Variants in NUP93 observed in about 807,000 individuals in gnomAD.
NUP93 encodes the protein nuclear pore complex protein Nup93.
Under a neutral mutation model 107.8 loss-of-function variants are expected in NUP93, and 55 were observed. That is an observed-to-expected ratio of 0.51 (90% CI 0.41 to 0.64). NUP93 has a LOEUF of 0.64. NUP93 is among the 30% of genes least tolerant of loss of function. The probability of loss-of-function intolerance (pLI) is 0.00; values close to 1 mark genes in which losing one functional copy is unlikely to be tolerated. For missense variants in NUP93, 937 were observed against 1,044.7 expected, an observed-to-expected ratio of 0.90 and a Z score of 1.42; for synonymous variants, 390 against 397.5, an observed-to-expected ratio of 0.98 and a Z score of 0.22.
intron 3 of NUP93, among the ~76,000 whole-genome samples, chr16:56,771,396 C>A (rs1962319725): frequency 6.6e-6 from 1 of 152,058 alleles, no homozygotes; most frequent in Admixed American, 6.6e-5. Context: ...TGTAGTCTTA[C>A]TTTTCTTATG....
intron 6 of NUP93, among the ~76,000 whole-genome samples, chr16:56,820,363 G>A (rs896703744): frequency 6.6e-6 from 1 of 152,234 alleles, no homozygotes; most frequent in East Asian, 1.9e-4. Flanking sequence ...AGGCTGGAGT[G>A]CAGTGGTGCG....
At chr16:56,811,334 G>A (rs1963311510) in intron 5 of NUP93, among the ~76,000 whole-genome samples, 1 of 152,006 alleles carries the variant, frequency 6.6e-6, no homozygotes, top group Non-Finnish European at 1.5e-5. Flanking sequence ...TGTTTTTATA[G>A]GCCTTTTCCA....
At chr16:56,745,166 C>T (rs1037665782) in intron 1 of NUP93, among the ~76,000 whole-genome samples, 31 of 152,108 alleles carry the variant, frequency 2.0e-4, no homozygotes, top group African/African-American at 6.8e-4. Flanking sequence ...ACAGGTGAGC[C>T]GAAACAGATA....
chr16:56,821,558 G>A lies in NUP93; in HGVS notation c.619G>A (p.Asp207Asn), dbSNP rs1183926625. The change falls in exon 7 of 22, where the codon GAC becomes AAC. Residue 207 changes from aspartate (D) to asparagine (N), a missense_variant. Asp to Asn is a conservative substitution (Grantham distance 23, BLOSUM62 1). Transcript: ENST00000308159. ...VNGHLQPNLV[D>N]LCASVAELDD... ...TGGACACCTGCAGCCTAACCTGGTG[G>A]ACCTTTGTGCTTCCGTCGCAGAGCT... 6.2e-7 allele frequency: 1 copy of A among 1,613,340 alleles called. No homozygotes were observed. Among genetic ancestry groups the A allele is most frequent in the African/African-American group, 1.3e-5 (1 of 74,846 alleles).
At chr16:56,778,784 GCTC>G (rs1338321345) in intron 3 of NUP93, among the ~76,000 whole-genome samples, 2 of 152,222 alleles carry the variant, frequency 1.3e-5, no homozygotes, top group African/African-American at 4.8e-5. Flanking sequence ...CTGTGGAAAT[GCTC>G]CTGAAGCATT....
intron 3 of NUP93, among the ~76,000 whole-genome samples, chr16:56,787,666 G>A (rs1321929945): frequency 6.6e-6 from 1 of 152,154 alleles, no homozygotes; most frequent in African/African-American, 2.4e-5. Context: ...TTCTTGTAGG[G>A]TGGGTTTCGG....
At position 56,823,726 on chromosome 16, in the gene NUP93, C is replaced by T. The variant is rs752928627; in HGVS notation, c.674C>T (p.Thr225Ile). The T allele has an allele frequency of 6.2e-7, 1 of 1,614,094 alleles. No individual in the cohort carries two copies. Among genetic ancestry groups the T allele is most frequent in the Non-Finnish European group, 8.5e-7 (1 of 1,179,978 alleles). ...LDDKSISDMW[T>I]MVKQMTDVLL... is the part of the protein sequence containing the mutation. Reference sequence around the variant, plus strand: ...GTGCAGAGCATTTCCGACATGTGGACCATGGTAAAACAAATGACAGACGTG... The same window carrying T: ...GTGCAGAGCATTTCCGACATGTGGATCATGGTAAAACAAATGACAGACGTG... The change falls in exon 8 of 22, where the codon ACC becomes ATC. Residue 225 changes from threonine (T) to isoleucine (I), a missense_variant. Coordinates refer to ENST00000308159, the MANE Select transcript of NUP93 (RefSeq NM_014669.5).
rs551878889 is a variant in NUP93, at chr16:56,833,250, C to G, written c.1381C>G (p.Leu461Val). 1.4e-5 allele frequency: 23 copies of G among 1,605,472 alleles called. No homozygotes were observed. The highest frequency in any genetic ancestry group is 1.7e-5 in the Non-Finnish European group (20 of 1,177,232). ...SHFTVNQQPF[L>V]YFQVLFLTAQ... ...CTTTACGGTGAACCAGCAACCCTTC[C>G]TCTACTTCCAAGTCCTGTTCCTGAC... The change falls in exon 13 of 22, where the codon CTC (leucine) becomes GTC (valine). Residue 461 changes from leucine (L) to valine (V), a missense_variant. Leu to Val is a conservative substitution (Grantham distance 32). Transcript: ENST00000308159.
At chr16:56,739,532 C>T (rs1183066350) in intron 1 of NUP93, among the ~76,000 whole-genome samples, 58 of 118,938 alleles carry the variant, frequency 4.9e-4, no homozygotes, top group African/African-American at 1.6e-3. Context: ...GGCTGACCCC[C>T]CCCCACCTCC....
chr16:56,777,543 C>T (rs1962437078), intron 3 of NUP93, among the ~76,000 whole-genome samples: 1 of 152,180 alleles, frequency 6.6e-6, no homozygotes, highest in East Asian at 1.9e-4. Context: ...GTGTTCCTCA[C>T]TTAAAATAAT....
intron 3 of NUP93, among the ~76,000 whole-genome samples, chr16:56,795,384 TAAA>T (rs2144550353): frequency 6.6e-6 from 1 of 152,314 alleles, no homozygotes; most frequent in South Asian, 2.1e-4. Context: ...CAAGGCCCAT[TAAA>T]ATCTGCCATT....
chr16:56,763,987 G>A (rs1446422521), intron 3 of NUP93, among the ~76,000 whole-genome samples: 1 of 152,146 alleles, frequency 6.6e-6, no homozygotes, highest in Non-Finnish European at 1.5e-5. Context: ...AAAAATTAGT[G>A]TTAGGGAAAC....
In NUP93 at chr16:56,805,547, T is replaced by A; in HGVS notation, c.404T>A (p.Val135Asp). The change falls in exon 5 of 22, where the codon GTT becomes GAT. Residue 135 changes from valine (V) to aspartate (D), a missense_variant. Transcript: ENST00000308159. ...AEEYHRESML[V>D]EWEQVKQRIL... Reference sequence around the variant, plus strand: ...GAGTACCATCGGGAGTCAATGTTGGTTGAGTGGGAGCAAGTGAAACAGCGA... The same window carrying A: ...GAGTACCATCGGGAGTCAATGTTGGATGAGTGGGAGCAAGTGAAACAGCGA... The A allele has an allele frequency of 6.2e-7, 1 of 1,614,012 alleles. No homozygotes were observed. Among genetic ancestry groups the A allele is most frequent in the Non-Finnish European group, 8.5e-7 (1 of 1,179,986 alleles).
intron 3 of NUP93, chr16:56,783,810 A>C (rs1050781199): frequency 1.1e-5 from 11 of 985,454 alleles, no homozygotes; most frequent in Non-Finnish European, 1.3e-5. Context: ...CACATTGTAT[A>C]GAAGAGTTCT....
chr16:56,783,927 T>A, intron 3 of NUP93: 1 of 972,442 alleles, frequency 1.0e-6, no homozygotes, highest in Non-Finnish European at 1.2e-6. Context: ...TGCTTTTGGT[T>A]GAATATGCAA....
At chr16:56,819,237 C>T (rs965228321) in intron 6 of NUP93, among the ~76,000 whole-genome samples, 4 of 152,102 alleles carry the variant, frequency 2.6e-5, no homozygotes, top group East Asian at 1.9e-4. Flanking sequence ...AGATGAGGAC[C>T]GCCCAATAGT....
At chr16:56,754,137 G>A (rs1180132489) in intron 2 of NUP93, among the ~76,000 whole-genome samples, 1 of 152,054 alleles carries the variant, frequency 6.6e-6, no homozygotes, top group Non-Finnish European at 1.5e-5. Flanking sequence ...GGGTGAAGGG[G>A]GAAGTGCTAC....
At chr16:56,746,933 CAA>C (rs1399857795) in intron 1 of NUP93, among the ~76,000 whole-genome samples, 25 of 152,058 alleles carry the variant, frequency 1.6e-4, no homozygotes, top group South Asian at 4.2e-4. Context: ...AAAAGTATAA[CAA>C]GAGCTATTGT....
intron 9 of NUP93, among the ~76,000 whole-genome samples, chr16:56,830,146 C>T (rs571513745): frequency 1.1e-4 from 17 of 152,268 alleles, no homozygotes; most frequent in African/African-American, 4.1e-4. Flanking sequence ...ACATCTTTAG[C>T]CTTTGCTTTG....
Sources: allele counts gnomAD v4.1 joint callset (sites outside exome capture counted in the v4.1 genomes callset), GRCh38; gene constraint gnomAD v4.1.1; transcripts MANE v1.5; gene names NCBI Gene and HGNC (gene_info 2026-07-23, HGNC 2026-07-21).